The following GRIA1 variants were observed in gnomAD, a reference collection of about 807,000 sequenced individuals.
GRIA1 encodes glutamate receptor 1.
A neutral mutation model predicts 99.2 loss-of-function variants in GRIA1; 31 were observed. The observed-to-expected ratio is 0.31, with a 90% CI of 0.23 to 0.42. The LOEUF (loss-of-function observed/expected upper bound fraction) is 0.42. Among genes scored for constraint, GRIA1 ranks in the 10% least tolerant of loss-of-function variants. The pLI is 1.00. For missense variants in GRIA1, 782 were observed against 1,157.5 expected (o/e 0.68, Z 4.71); for synonymous variants, 438 against 432.4 (o/e 1.01, Z -0.16).
chr5:153,716,280 G>C (rs1175346846), intron 11 of GRIA1, among the ~76,000 whole-genome samples: 1 of 152,130 alleles, frequency 6.6e-6, no homozygotes, highest in African/African-American at 2.4e-5. Context: ...TACCCAGCAG[G>C]GCTGAGATTA....
At chr5:153,579,870 T>C (rs1243722914) in intron 2 of GRIA1, among the ~76,000 whole-genome samples, 1 of 145,840 alleles carries the variant, frequency 6.9e-6, no homozygotes, top group African/African-American at 2.6e-5. Context: ...CGGGGCCTTG[T>C]GAAAAAACAA....
intron 11 of GRIA1, among the ~76,000 whole-genome samples, chr5:153,735,832 G>T (rs543696568): frequency 3.9e-5 from 6 of 152,308 alleles, no homozygotes; most frequent in Admixed American, 3.9e-4. Context: ...GTAATGCAAA[G>T]AATGGTGATG....
chr5:153,597,837 G>A (rs1044131093), intron 2 of GRIA1, among the ~76,000 whole-genome samples: 23 of 122,502 alleles, frequency 1.9e-4, no homozygotes, highest in Non-Finnish European at 3.2e-4. Flanking sequence ...GCAAGACCCC[G>A]TCTCTAAAAA....
chr5:153,673,315 C>A (rs566774921), intron 5 of GRIA1, among the ~76,000 whole-genome samples: 1 of 152,328 alleles, frequency 6.6e-6, no homozygotes, highest in South Asian at 2.1e-4. Flanking sequence ...ACTGCCCCTC[C>A]CCATCCTCTT....
At chr5:153,593,358 A>G (rs556529234) in intron 2 of GRIA1, among the ~76,000 whole-genome samples, 1 of 152,328 alleles carries the variant, frequency 6.6e-6, no homozygotes, top group South Asian at 2.1e-4. Flanking sequence ...TCAACTTATG[A>G]ATTTGTGTAG....
intron 11 of GRIA1, among the ~76,000 whole-genome samples, chr5:153,745,263 T>C (rs558552345): frequency 6.6e-6 from 1 of 150,950 alleles, no homozygotes; most frequent in Non-Finnish European, 1.5e-5. Flanking sequence ...TCTTCCTGAC[T>C]GTATGCCTCC....
chr5:153,574,628 G>A (rs923498543), intron 2 of GRIA1, among the ~76,000 whole-genome samples: 3 of 152,088 alleles, frequency 2.0e-5, no homozygotes, highest in Non-Finnish European at 4.4e-5. Context: ...TTATACTGTT[G>A]TAATAGAAAT....
chr5:153,658,601 C>T (rs1755122403), intron 5 of GRIA1, among the ~76,000 whole-genome samples: 2 of 152,132 alleles, frequency 1.3e-5, no homozygotes, highest in African/African-American at 4.8e-5. Flanking sequence ...TTTTCTTCCC[C>T]CTTCAGAGGA....
At chr5:153,774,129 A>G (rs1276432677) in intron 13 of GRIA1, among the ~76,000 whole-genome samples, 1 of 129,030 alleles carries the variant, frequency 7.8e-6, no homozygotes, top group East Asian at 2.3e-4. Context: ...TCTTTTTCAC[A>G]CCCCATATGA....
intron 2 of GRIA1, among the ~76,000 whole-genome samples, chr5:153,620,555 A>T (rs922849698): frequency 1.3e-5 from 2 of 152,214 alleles, no homozygotes; most frequent in African/African-American, 2.4e-5. Context: ...GCCTGAGCTG[A>T]GGAAATAGAC....
chr5:153,692,147 C>T (rs1757810273), intron 8 of GRIA1, among the ~76,000 whole-genome samples: 1 of 152,180 alleles, frequency 6.6e-6, no homozygotes, highest in Non-Finnish European at 1.5e-5. Context: ...TGCTGTGTGC[C>T]TCCTTGTCAT....
chr5:153,765,694 A>G (rs1426372730), intron 12 of GRIA1, among the ~76,000 whole-genome samples: 1 of 152,174 alleles, frequency 6.6e-6, no homozygotes, highest in African/African-American at 2.4e-5. Flanking sequence ...GAAACAGTAC[A>G]TGGAACTACC....
At chr5:153,524,204 G>A (rs1238113111) in intron 2 of GRIA1, among the ~76,000 whole-genome samples, 1 of 152,172 alleles carries the variant, frequency 6.6e-6, no homozygotes, top group Non-Finnish European at 1.5e-5. Context: ...GGGCTCACCT[G>A]TAGTCCCAGC....
chr5:153,711,296 G>A (rs1329085535), intron 11 of GRIA1, among the ~76,000 whole-genome samples: 5 of 152,246 alleles, frequency 3.3e-5, no homozygotes, highest in Non-Finnish European at 7.3e-5. Flanking sequence ...AGTGGAAGCA[G>A]AGGGACCAAA....
chr5:153,671,819 G>T (rs928973912), intron 5 of GRIA1, among the ~76,000 whole-genome samples: 5 of 152,202 alleles, frequency 3.3e-5, no homozygotes, highest in Non-Finnish European at 7.3e-5. Flanking sequence ...GACAAAAAAG[G>T]TTCCTGCTCT....
intron 5 of GRIA1, among the ~76,000 whole-genome samples, chr5:153,661,074 G>A (rs758789689): frequency 8.3e-4 from 126 of 152,112 alleles, no homozygotes; most frequent in Non-Finnish European, 1.5e-3. Context: ...GCTCCTCTGC[G>A]GGATCAGCCC....
chr5:153,679,971 A>G (rs1232711471), intron 7 of GRIA1, among the ~76,000 whole-genome samples: 3 of 152,248 alleles, frequency 2.0e-5, no homozygotes, highest in Admixed American at 1.3e-4. Flanking sequence ...GATCTTTGAT[A>G]TAACACCTTG....
intron 2 of GRIA1, among the ~76,000 whole-genome samples, chr5:153,513,013 A>G (rs1450218393): frequency 6.6e-6 from 1 of 152,190 alleles, no homozygotes. Flanking sequence ...GCCATTGGCA[A>G]GTCAGGAAGA....
chr5:153,578,112 T>C (rs1447698461), intron 2 of GRIA1, among the ~76,000 whole-genome samples: 6 of 124,150 alleles, frequency 4.8e-5, no homozygotes, highest in Non-Finnish European at 9.5e-5. Flanking sequence ...GATCACACCA[T>C]TGCGCCCCAG....
Sources: gnomAD v4.1 joint callset for allele counts (sites outside exome capture counted in the v4.1 genomes callset) on GRCh38, gnomAD v4.1.1 for gene constraint, MANE v1.5 for transcripts, NCBI Gene and HGNC (gene_info 2026-07-23, HGNC 2026-07-21) for gene names.